The following EIF2S1 variants were observed in gnomAD, a reference collection of about 807,000 sequenced individuals.
EIF2S1 encodes eukaryotic translation initiation factor 2 subunit 1.
EIF2S1 carries 5 observed loss-of-function variants against 33.5 expected under a neutral mutation model. The observed-to-expected ratio is 0.15, with a 90% CI of 0.08 to 0.31. The LOEUF is 0.31. EIF2S1 is among the 10% of genes least tolerant of loss of function. The pLI, the probability that EIF2S1 is intolerant of heterozygous loss-of-function variation, is 1.00. For synonymous variants in EIF2S1, 99 were observed against 127.5 expected (o/e 0.78, Z 1.51); for missense variants, 191 against 384.6 (o/e 0.50, Z 4.21).
chr14:67,378,624 C>T (rs1329495524), intron 4 of EIF2S1, among the ~76,000 whole-genome samples: 1 of 152,176 alleles, frequency 6.6e-6, no homozygotes, highest in Non-Finnish European at 1.5e-5. Flanking sequence ...CTTAACTTGT[C>T]TCAACTGTCA....
chr14:67,382,181 AATG>A (rs1244750402), intron 6 of EIF2S1, among the ~76,000 whole-genome samples: 11 of 151,986 alleles, frequency 7.2e-5, no homozygotes, highest in African/African-American at 2.4e-4. Context: ...GATACACGGA[AATG>A]ATAATTCTTT....
chr14:67,383,006 A>AT (rs1370938634), intron 7 of EIF2S1, among the ~76,000 whole-genome samples: 1 of 151,936 alleles, frequency 6.6e-6, no homozygotes, highest in Non-Finnish European at 1.5e-5. Flanking sequence ...TTTTAACAGG[A>AT]TATCTATTTG....
At chr14:67,372,045 A>C (rs749871123) in intron 2 of EIF2S1, among the ~76,000 whole-genome samples, 1 of 151,942 alleles carries the variant, frequency 6.6e-6, no homozygotes, top group Non-Finnish European at 1.5e-5. Context: ...TGGGGGGATC[A>C]CTTGAGCCCA....
At chr14:67,369,641 A>C (rs1169931687) in intron 2 of EIF2S1, among the ~76,000 whole-genome samples, 1 of 152,244 alleles carries the variant, frequency 6.6e-6, no homozygotes, top group African/African-American at 2.4e-5. Context: ...TCACACTGGA[A>C]GTAATTTTGA....
At chr14:67,362,962 C>G (rs8006391) in intron 1 of EIF2S1, among the ~76,000 whole-genome samples, 22,731 of 151,982 alleles carry the variant, frequency 0.15, 3,200 homozygotes, top group East Asian at 0.42. Flanking sequence ...TAGTCATATC[C>G]CTTCAGGATT....
chr14:67,373,816 G>A (rs893735549), intron 2 of EIF2S1, among the ~76,000 whole-genome samples: 1 of 150,728 alleles, frequency 6.6e-6, no homozygotes, highest in South Asian at 2.1e-4. Context: ...TAGTCATACA[G>A]TAGATTAGAT....
intron 1 of EIF2S1, among the ~76,000 whole-genome samples, chr14:67,363,801 A>C (rs370638665): frequency 1.3e-5 from 2 of 152,218 alleles, no homozygotes; most frequent in Non-Finnish European, 2.9e-5. Context: ...AATTTTCACA[A>C]GGTTTTCTTA....
At chr14:67,369,945 C>T (rs1218041268) in intron 2 of EIF2S1, among the ~76,000 whole-genome samples, 1 of 152,222 alleles carries the variant, frequency 6.6e-6, no homozygotes, top group African/African-American at 2.4e-5. Context: ...TCAGGGGTCT[C>T]ACAGCCTTCA....
intron 1 of EIF2S1, among the ~76,000 whole-genome samples, chr14:67,362,349 G>C (rs1413107604): frequency 6.6e-6 from 1 of 151,764 alleles, no homozygotes; most frequent in Non-Finnish European, 1.5e-5. Flanking sequence ...TGTATCATTA[G>C]TGCTTAGTAC....
In EIF2S1 at chr14:67,383,435, G is replaced by A. The variant is rs1191031768; in HGVS notation, c.943G>A (p.Asp315Asn). 1.9e-6 allele frequency: 3 copies of A among 1,613,026 alleles called. No homozygotes were observed. Among genetic ancestry groups the A allele is most frequent in the Non-Finnish European group, 2.5e-6 (3 of 1,179,304 alleles). Residue 315 changes from aspartate (D) to asparagine (N), a missense_variant, in exon 8 of 8, where the codon GAT (aspartate) becomes AAT (asparagine). Coordinates refer to ENST00000256383, the MANE Select transcript of EIF2S1 (RefSeq NM_004094.5). ...DAEEMEAKAED is the reference protein window; with the variant it reads ...DAEEMEAKAEN ...AGAAGAAATGGAAGCCAAAGCTGAA[G>A]ATTAACTTTGTGGGAAACAGAGTCC...
chr14:67,378,548 CAG>C, intron 4 of EIF2S1, among the ~76,000 whole-genome samples: 1 of 152,142 alleles, frequency 6.6e-6, no homozygotes, highest in Non-Finnish European at 1.5e-5. Flanking sequence ...TGGCTCCATC[CAG>C]AGTTTGCACT....
At chr14:67,372,145 T>A (rs996822559) in intron 2 of EIF2S1, among the ~76,000 whole-genome samples, 2 of 152,124 alleles carry the variant, frequency 1.3e-5, no homozygotes, top group Non-Finnish European at 2.9e-5. Context: ...AATTAAAAAA[T>A]TTATGTGTGC....
At chr14:67,379,900 C>T (rs934847981) in intron 4 of EIF2S1, among the ~76,000 whole-genome samples, 2 of 151,746 alleles carry the variant, frequency 1.3e-5, no homozygotes, top group African/African-American at 2.4e-5. Context: ...GTGATCCGCC[C>T]GCCTCGGCCT....
intron 2 of EIF2S1, among the ~76,000 whole-genome samples, chr14:67,367,248 G>C (rs2085785538): frequency 6.6e-6 from 1 of 151,830 alleles, no homozygotes; most frequent in Non-Finnish European, 1.5e-5. Context: ...CTCTTTTTTT[G>C]GGGGATGGAG....
At chr14:67,374,782 T>C (rs189244102) in intron 3 of EIF2S1, 19 of 339,190 alleles carry the variant, frequency 5.6e-5, no homozygotes, top group Admixed American at 1.4e-4. Flanking sequence ...TTTGTTTGTT[T>C]AAATAGAAAT....
intron 2 of EIF2S1, among the ~76,000 whole-genome samples, chr14:67,372,034 G>A (rs188529138): frequency 2.0e-5 from 3 of 152,264 alleles, no homozygotes; most frequent in South Asian, 2.1e-4. Context: ...GGAGGCCTAG[G>A]TGGGGGGATC....
intron 3 of EIF2S1, among the ~76,000 whole-genome samples, chr14:67,375,187 C>T (rs540046441): frequency 6.6e-6 from 1 of 151,376 alleles, no homozygotes; most frequent in Non-Finnish European, 1.5e-5. Context: ...TTTCTCTTTT[C>T]TCAGGTCCTG....
chr14:67,382,906 T>TGC (rs1555347753), intron 7 of EIF2S1, among the ~76,000 whole-genome samples: 2 of 136,750 alleles, frequency 1.5e-5, no homozygotes, highest in South Asian at 5.1e-4. Flanking sequence ...CGTGCGTGCG[T>TGC]GCGTGTGTGT....
intron 1 of EIF2S1, among the ~76,000 whole-genome samples, chr14:67,361,248 A>G (rs912247495): frequency 6.6e-6 from 1 of 152,210 alleles, no homozygotes; most frequent in Admixed American, 6.5e-5. Flanking sequence ...TTCGAGAAAA[A>G]GTATAGCAGA....
Sources: gnomAD v4.1 joint callset for allele counts (sites outside exome capture counted in the v4.1 genomes callset) on GRCh38, gnomAD v4.1.1 for gene constraint, MANE v1.5 for transcripts, NCBI Gene and HGNC (gene_info 2026-07-23, HGNC 2026-07-21) for gene names.